The following KCNN2 variants were observed in gnomAD, a reference collection of about 807,000 sequenced individuals.
KCNN2 encodes the protein potassium calcium-activated channel subfamily N member 2, also known as small conductance calcium-activated potassium channel protein 2.
Under a neutral mutation model 55.5 loss-of-function variants are expected in KCNN2, and 24 were observed. The observed-to-expected ratio is 0.43, with a 90% CI of 0.31 to 0.61. KCNN2 has a LOEUF of 0.61. Among genes scored for constraint, KCNN2 ranks in the 20% least tolerant of loss-of-function variants. KCNN2 has a pLI of 0.08. For synonymous variants in KCNN2, 431 were observed against 336.1 expected (o/e 1.28, Z -3.09); for missense variants, 754 against 853.6 (o/e 0.88, Z 1.45).
At chr5:114,101,711 T>A (rs1751377010) in intron 1 of KCNN2, among the ~76,000 whole-genome samples, 2 of 152,124 alleles carry the variant, frequency 1.3e-5, no homozygotes, top group African/African-American at 4.8e-5. Flanking sequence ...TGTGTTAGTT[T>A]GCTGAGAATG....
chr5:114,404,589 A>C lies in KCNN2; in HGVS notation c.1370A>C (p.Tyr457Ser). 1 of 1,613,778 alleles carries C rather than the reference A, an allele frequency of 6.2e-7. No individual in the cohort carries two copies. Among genetic ancestry groups the C allele is most frequent in the Non-Finnish European group, 8.5e-7 (1 of 1,179,950 alleles). Reference sequence around the variant, plus strand: ...TGGACGGCCCGGCTTGCCTTCTCCTATGCCCCATCCACAACCACCGCTGAT... The same window carrying C: ...TGGACGGCCCGGCTTGCCTTCTCCTCTGCCCCATCCACAACCACCGCTGAT... ...FTWTARLAFSYAPSTTTADVD... is the reference protein window; with the variant it reads ...FTWTARLAFSSAPSTTTADVD... The change falls in exon 3 of 8, where the codon TAT becomes TCT. Residue 457 changes from tyrosine to serine, a missense_variant. Coordinates refer to ENST00000673685, the MANE Select transcript of KCNN2 (RefSeq NM_021614.4).
intron 3 of KCNN2, among the ~76,000 whole-genome samples, chr5:114,430,749 C>A (rs1580825076): frequency 2.0e-5 from 3 of 151,966 alleles, no homozygotes; most frequent in Non-Finnish European, 2.9e-5. Flanking sequence ...ATGTTTTTTA[C>A]CAAGTTGAGG....
intron 1 of KCNN2, among the ~76,000 whole-genome samples, chr5:114,142,164 T>C (rs554475164): frequency 2.5e-3 from 379 of 152,340 alleles, no homozygotes; most frequent in African/African-American, 8.8e-3. Flanking sequence ...TTTTGGCTTT[T>C]GTTGCCATTG....
intron 2 of KCNN2, among the ~76,000 whole-genome samples, chr5:114,243,497 C>T (rs978774198): frequency 2.6e-5 from 4 of 152,182 alleles, no homozygotes; most frequent in African/African-American, 9.7e-5. Flanking sequence ...CGTATCCACA[C>T]ATCTATGCTA....
intron 5 of KCNN2, chr5:114,486,750 A>G (rs1453948154): frequency 2.1e-5 from 27 of 1,300,338 alleles, no homozygotes; most frequent in Non-Finnish European, 5.0e-6. Context: ...AGAACTCAAC[A>G]CCCCTTGATT....
chr5:114,077,888 C>A (rs1238038035), intron 1 of KCNN2, among the ~76,000 whole-genome samples: 2 of 152,266 alleles, frequency 1.3e-5, no homozygotes, highest in East Asian at 1.9e-4. Context: ...CCTCTTTGTG[C>A]AATTGAAAAC....
intron 3 of KCNN2, among the ~76,000 whole-genome samples, chr5:114,458,070 T>C (rs1209184129): frequency 1.3e-5 from 2 of 152,182 alleles, no homozygotes; most frequent in Admixed American, 1.3e-4. Context: ...TTCCCTTTGT[T>C]CTTGTTGGTT....
intron 1 of KCNN2, among the ~76,000 whole-genome samples, chr5:114,156,140 A>T (rs772940330): frequency 6.6e-6 from 1 of 152,118 alleles, no homozygotes; most frequent in Non-Finnish European, 1.5e-5. Context: ...TGAATAGGGA[A>T]TCTTTTGCCA....
intron 3 of KCNN2, among the ~76,000 whole-genome samples, chr5:114,447,281 T>C (rs183298457): frequency 1.7e-4 from 26 of 152,330 alleles, no homozygotes; most frequent in African/African-American, 5.3e-4. Flanking sequence ...TTGATCCTTT[T>C]GACTTTCACC....
intron 1 of KCNN2, among the ~76,000 whole-genome samples, chr5:114,208,888 A>G (rs760554260): frequency 1.9e-4 from 29 of 151,912 alleles, no homozygotes; most frequent in Non-Finnish European, 8.8e-5. Context: ...CTCAACTACT[A>G]TGTTCTCTCT....
At chr5:114,228,058 TCC>T (rs1267247008) in intron 2 of KCNN2, among the ~76,000 whole-genome samples, 1 of 152,070 alleles carries the variant, frequency 6.6e-6, no homozygotes, top group Non-Finnish European at 1.5e-5. Flanking sequence ...ATGATAAAGT[TCC>T]AAGCTTTAAT....
chr5:114,236,774 A>G (rs1754503714), intron 2 of KCNN2, among the ~76,000 whole-genome samples: 1 of 152,140 alleles, frequency 6.6e-6, no homozygotes, highest in South Asian at 2.1e-4. Flanking sequence ...TTGTATAAGT[A>G]TTATGTATAT....
At chr5:114,254,798 A>G (rs1475324614) in intron 2 of KCNN2, among the ~76,000 whole-genome samples, 2 of 152,190 alleles carry the variant, frequency 1.3e-5, no homozygotes, top group African/African-American at 2.4e-5. Flanking sequence ...ACTTAAAAAC[A>G]AGCAAACAAA....
chr5:114,121,109 T>C (rs1285816679), intron 1 of KCNN2, among the ~76,000 whole-genome samples: 1 of 152,252 alleles, frequency 6.6e-6, no homozygotes, highest in East Asian at 1.9e-4. Context: ...GGTTGGAACA[T>C]GCATGGGCCT....
In KCNN2 at chr5:114,092,106, C is replaced by T. The variant is rs114908221; in HGVS notation, c.-271+35606C>T. Among the ~76,000 whole-genome samples, 984 of 152,248 alleles carry T rather than the reference C, an allele frequency of 6.5e-3. 13 individuals carry two copies. Among genetic ancestry groups the T allele is most frequent in the African/African-American group, 0.022 (919 of 41,532 alleles). On this transcript the variant is annotated intron_variant, in intron 1 of 10. Transcript: ENST00000512097. ...AGGCAAGTCTCTTCTACCTAAGAGC[C>T]TGTAAAATCAAAAGCCAGTTAGTTA...
intron 1 of KCNN2, among the ~76,000 whole-genome samples, chr5:114,094,305 C>T (rs1751211474): frequency 6.6e-6 from 1 of 152,062 alleles, no homozygotes; most frequent in Admixed American, 6.6e-5. Flanking sequence ...TCTGTAGAAC[C>T]ACACTTACCC....
intron 1 of KCNN2, among the ~76,000 whole-genome samples, chr5:114,138,141 C>T (rs1561490935): frequency 1.3e-5 from 2 of 151,806 alleles, no homozygotes; most frequent in South Asian, 4.2e-4. Flanking sequence ...AACAAACAAA[C>T]AAAAAAACCC....
At chr5:114,147,131 G>T (rs559343118) in intron 1 of KCNN2, among the ~76,000 whole-genome samples, 25 of 152,220 alleles carry the variant, frequency 1.6e-4, no homozygotes, top group African/African-American at 5.8e-4. Context: ...TTGGTCTTAC[G>T]TACACTGCCT....
intron 2 of KCNN2, among the ~76,000 whole-genome samples, chr5:114,305,255 G>T (rs1333475095): frequency 6.6e-6 from 1 of 152,138 alleles, no homozygotes; most frequent in Non-Finnish European, 1.5e-5. Context: ...CTTCCTGGAT[G>T]GTAAAGAAAT....
Sources: gnomAD v4.1 joint callset for allele counts (sites outside exome capture counted in the v4.1 genomes callset) on GRCh38, gnomAD v4.1.1 for gene constraint, MANE v1.5 for transcripts, NCBI Gene and HGNC (gene_info 2026-07-23, HGNC 2026-07-21) for gene names.